Variants in RBFOX1 observed in about 807,000 individuals in gnomAD.
The protein encoded by RBFOX1 is RNA binding fox-1 homolog 1.
Under a neutral mutation model 57.7 loss-of-function variants are expected in RBFOX1, and 8 were observed. That is an observed-to-expected ratio of 0.14 (90% CI 0.08 to 0.25). The LOEUF (loss-of-function observed/expected upper bound fraction) is 0.25. RBFOX1 is among the 10% of genes least tolerant of loss of function. The pLI, the probability that RBFOX1 is intolerant of heterozygous loss-of-function variation, is 1.00. For synonymous variants in RBFOX1, 326 were observed against 222.4 expected (o/e 1.47, Z -4.15); for missense variants, 611 against 548.5 (o/e 1.11, Z -1.14).
chr16:7,710,563 G>T (rs2083859373), intron 15 of RBFOX1, 60 bp from the exon 16 acceptor site: 3 of 1,603,888 alleles, frequency 1.9e-6, no homozygotes, highest in African/African-American at 2.7e-5. Context: ...TCTTTTTGAT[G>T]ATCCACATGT....
chr16:7,284,579 C>A (rs1265617624), intron 4 of RBFOX1, among the ~76,000 whole-genome samples: 1 of 152,166 alleles, frequency 6.6e-6, no homozygotes, highest in Non-Finnish European at 1.5e-5. Flanking sequence ...AGTCCTCCCA[C>A]CTTAGCCTCC....
At chr16:6,792,763 G>A (rs1048417009) in intron 3 of RBFOX1, among the ~76,000 whole-genome samples, 1 of 152,186 alleles carries the variant, frequency 6.6e-6, no homozygotes, top group African/African-American at 2.4e-5. Flanking sequence ...CGGCATGGTG[G>A]CTCACGCCTG....
rs566465072 is a variant in RBFOX1, at chr16:7,416,472, C to T, written c.28-101675C>T. On this transcript the variant is annotated intron_variant, in intron 4 of 15. Transcript: ENST00000550418. ...ATTGTTAGAGGGAGGAAGTGATGTA[C>T]AGGAAAGTGGGTACATGGTGTGCTG... Among the ~76,000 whole-genome samples the T allele has an allele frequency of 6.6e-5, 10 of 152,204 alleles. No individual in the cohort carries two copies. The South Asian group carries it at 1.0e-3, about 16-fold the overall frequency.
intron 3 of RBFOX1, among the ~76,000 whole-genome samples, chr16:6,746,768 C>G (rs1211439634): frequency 6.6e-6 from 1 of 151,950 alleles, no homozygotes; most frequent in Non-Finnish European, 1.5e-5. Context: ...AATATTGATA[C>G]ATATAATCAA....
At chr16:5,552,946 T>G (rs1424650076) in intron 2 of RBFOX1, among the ~76,000 whole-genome samples, 1 of 152,010 alleles carries the variant, frequency 6.6e-6, no homozygotes, top group Non-Finnish European at 1.5e-5. Flanking sequence ...TGGAATACTA[T>G]GCAGCCATAA....
chr16:6,680,535 T>C (rs950451302), intron 3 of RBFOX1, among the ~76,000 whole-genome samples: 2 of 152,186 alleles, frequency 1.3e-5, no homozygotes, highest in Non-Finnish European at 2.9e-5. Context: ...AGTGCTGGGA[T>C]TACAGGCGTA....
At chr16:5,675,028 A>G (rs116804737) in intron 3 of RBFOX1, among the ~76,000 whole-genome samples, 1,735 of 152,238 alleles carry the variant, frequency 0.011, 31 homozygotes, top group African/African-American at 0.039. Flanking sequence ...GTATGCCTGT[A>G]GTTCCAACTA....
At chr16:6,483,795 G>T in intron 2 of RBFOX1, 2 of 1,383,662 alleles carry the variant, frequency 1.4e-6, no homozygotes, top group African/African-American at 1.5e-5. Flanking sequence ...ACACGGTGGC[G>T]GCGTGTGCGC....
intron 3 of RBFOX1, among the ~76,000 whole-genome samples, chr16:5,719,664 G>A (rs1028103494): frequency 6.6e-6 from 1 of 152,060 alleles, no homozygotes; most frequent in Non-Finnish European, 1.5e-5. Flanking sequence ...TCATACCGTA[G>A]GTGGCCTCTT....
intron 3 of RBFOX1, among the ~76,000 whole-genome samples, chr16:7,036,711 A>C (rs922919070): frequency 3.8e-5 from 5 of 132,450 alleles, no homozygotes; most frequent in Admixed American, 3.1e-4. Flanking sequence ...ACAAACAAAC[A>C]AAAAAAACAA....
intron 3 of RBFOX1, among the ~76,000 whole-genome samples, chr16:6,799,853 C>G (rs144121184): frequency 6.6e-6 from 1 of 152,138 alleles, no homozygotes; most frequent in African/African-American, 2.4e-5. Flanking sequence ...GTCAGCTTCC[C>G]TGCTTTTAAG....
At chr16:6,314,176 A>G (rs1283277276) in intron 1 of RBFOX1, among the ~76,000 whole-genome samples, 1 of 152,176 alleles carries the variant, frequency 6.6e-6, no homozygotes, top group Non-Finnish European at 1.5e-5. Flanking sequence ...ATGAAGGTCA[A>G]TGTCCTTTCT....
intron 4 of RBFOX1, among the ~76,000 whole-genome samples, chr16:7,373,030 G>T (rs1203791977): frequency 1.3e-5 from 2 of 151,678 alleles, no homozygotes; most frequent in East Asian, 3.9e-4. Context: ...CTCCCAGGCT[G>T]TAGCCATTCT....
chr16:6,530,763 C>A (rs900657248), intron 2 of RBFOX1, among the ~76,000 whole-genome samples: 1 of 151,908 alleles, frequency 6.6e-6, no homozygotes, highest in African/African-American at 2.4e-5. Flanking sequence ...TTCCCCACCC[C>A]CATCTCATGA....
intron 12 of RBFOX1, among the ~76,000 whole-genome samples, chr16:7,663,636 A>T (rs1439258217): frequency 6.6e-6 from 1 of 152,164 alleles, no homozygotes. Flanking sequence ...TGTTTCTATT[A>T]GAACCTCAGC....
At chr16:6,738,355 A>G (rs62017579) in intron 3 of RBFOX1, among the ~76,000 whole-genome samples, 2,730 of 152,210 alleles carry the variant, frequency 0.018, 34 homozygotes, top group Non-Finnish European at 0.026. Context: ...AGGAAGTGGA[A>G]CTGAGGGTCC....
intron 4 of RBFOX1, among the ~76,000 whole-genome samples, chr16:7,335,144 G>A (rs1324407469): frequency 6.6e-6 from 1 of 152,192 alleles, no homozygotes; most frequent in Non-Finnish European, 1.5e-5. Flanking sequence ...GCAGTGCAAA[G>A]GGAGAAAAAA....
intron 3 of RBFOX1, among the ~76,000 whole-genome samples, chr16:6,955,798 C>G (rs138194058): frequency 5.5e-4 from 83 of 152,188 alleles, no homozygotes; most frequent in Non-Finnish European, 9.4e-4. Flanking sequence ...CTCCATTTCC[C>G]TGGTTCAAGT....
intron 11 of RBFOX1, 43 bp from the exon 12 acceptor site, chr16:7,653,772 T>G (rs757768119): frequency 6.3e-7 from 1 of 1,589,130 alleles, no homozygotes; most frequent in Non-Finnish European, 8.5e-7. Context: ...GGTGTGCATC[T>G]GACAGCCTGT....
Sources: gnomAD v4.1 joint callset for allele counts (sites outside exome capture counted in the v4.1 genomes callset) on GRCh38, gnomAD v4.1.1 for gene constraint, MANE v1.5 for transcripts, NCBI Gene and HGNC (gene_info 2026-07-23, HGNC 2026-07-21) for gene names.